Variants in HPSE2 observed in about 807,000 individuals in gnomAD.
HPSE2 encodes inactive heparanase-2.
In HPSE2, 38 loss-of-function variants were observed where a neutral mutation model predicts 60.5. The ratio of observed to expected loss-of-function variants is 0.63; its 90% CI spans 0.48 to 0.82. HPSE2 has a LOEUF of 0.82. Among genes scored for constraint, HPSE2 ranks in the 40% least tolerant of loss-of-function variants. HPSE2 has a pLI of 0.00. For missense variants in HPSE2, 713 were observed against 740.4 expected, an observed-to-expected ratio of 0.96 and a Z score of 0.43; for synonymous variants, 295 against 293.2, an observed-to-expected ratio of 1.01 and a Z score of -0.06.
At chr10:98,846,297 T>C (rs1952033047) in intron 3 of HPSE2, among the ~76,000 whole-genome samples, 1 of 152,228 alleles carries the variant, frequency 6.6e-6, no homozygotes, top group Admixed American at 6.5e-5. Context: ...TTCAGATCTA[T>C]TTATATGAAA....
intron 2 of HPSE2, among the ~76,000 whole-genome samples, chr10:99,181,530 A>G (rs906616432): frequency 6.6e-5 from 10 of 152,224 alleles, no homozygotes; most frequent in Non-Finnish European, 1.0e-4. Context: ...GCACATATAC[A>G]GCATGGAATA....
At chr10:98,919,411 G>C (rs1412624582) in intron 3 of HPSE2, among the ~76,000 whole-genome samples, 1 of 152,110 alleles carries the variant, frequency 6.6e-6, no homozygotes, top group Non-Finnish European at 1.5e-5. Flanking sequence ...GCCATTGAAG[G>C]CCTCCAAAAA....
chr10:98,622,225 C>A (rs752300392), intron 7 of HPSE2, among the ~76,000 whole-genome samples: 11 of 151,938 alleles, frequency 7.2e-5, no homozygotes, highest in Non-Finnish European at 1.2e-4. Context: ...AAAAAAAACA[C>A]ACTGAGTGAG....
At chr10:99,030,883 A>G (rs1957483570) in intron 3 of HPSE2, among the ~76,000 whole-genome samples, 1 of 152,224 alleles carries the variant, frequency 6.6e-6, no homozygotes, top group South Asian at 2.1e-4. Context: ...ACAGGCACAG[A>G]AGACAAACAT....
At chr10:98,738,188 A>G (rs1462495956) in intron 4 of HPSE2, among the ~76,000 whole-genome samples, 1 of 152,180 alleles carries the variant, frequency 6.6e-6, no homozygotes, top group Non-Finnish European at 1.5e-5. Context: ...CACATTTACA[A>G]CCATCTGTTC....
chr10:99,073,163 G>C (rs546052059), intron 3 of HPSE2, among the ~76,000 whole-genome samples: 1 of 152,176 alleles, frequency 6.6e-6, no homozygotes, highest in Admixed American at 6.5e-5. Flanking sequence ...CTATTACAAA[G>C]ATGAAGGCAC....
intron 3 of HPSE2, among the ~76,000 whole-genome samples, chr10:98,758,950 G>T (rs1362027691): frequency 6.6e-6 from 1 of 152,140 alleles, no homozygotes; most frequent in Non-Finnish European, 1.5e-5. Flanking sequence ...GCCCATCAAT[G>T]GTGGACTGGA....
chr10:98,852,298 G>A (rs1203245319), intron 3 of HPSE2, among the ~76,000 whole-genome samples: 3 of 151,952 alleles, frequency 2.0e-5, no homozygotes, highest in Admixed American at 6.6e-5. Context: ...CCTTTCACCT[G>A]CTACCTTTTC....
chr10:98,725,681 C>A (rs2134265478), intron 4 of HPSE2, among the ~76,000 whole-genome samples: 1 of 152,216 alleles, frequency 6.6e-6, no homozygotes, highest in Admixed American at 6.5e-5. Flanking sequence ...GCAACAGAAA[C>A]CACCATCAGA....
chr10:98,517,206 G>T (rs1241360108), intron 9 of HPSE2, among the ~76,000 whole-genome samples: 4 of 148,734 alleles, frequency 2.7e-5, no homozygotes, highest in African/African-American at 9.8e-5. Flanking sequence ...GGGTGGGGGG[G>T]GCGAGGCGAG....
chr10:98,768,028 G>A (rs1424511127), intron 3 of HPSE2, among the ~76,000 whole-genome samples: 1 of 151,416 alleles, frequency 6.6e-6, no homozygotes, highest in East Asian at 1.9e-4. Context: ...AAAGGGAAAT[G>A]TAAATTAAAA....
chr10:98,469,485 C>T (rs1307336425), intron 11 of HPSE2, among the ~76,000 whole-genome samples: 4 of 152,192 alleles, frequency 2.6e-5, no homozygotes, highest in Admixed American at 2.6e-4. Flanking sequence ...ATAGTTCCAT[C>T]GTTCTTTTCA....
chr10:98,516,166 G>A (rs945471934), intron 9 of HPSE2, among the ~76,000 whole-genome samples: 14 of 152,052 alleles, frequency 9.2e-5, no homozygotes, highest in African/African-American at 1.2e-4. Flanking sequence ...AGATGTGCTC[G>A]GCCCTTCACA....
At chr10:98,656,112 A>T (rs1213276317) in intron 6 of HPSE2, among the ~76,000 whole-genome samples, 2 of 149,526 alleles carry the variant, frequency 1.3e-5, no homozygotes, top group Non-Finnish European at 3.0e-5. Flanking sequence ...ATTGAGACAG[A>T]GTCTTGCTCT....
At chr10:99,170,150 T>C (rs1292364130) in intron 2 of HPSE2, among the ~76,000 whole-genome samples, 2 of 152,020 alleles carry the variant, frequency 1.3e-5, no homozygotes, top group Non-Finnish European at 2.9e-5. Flanking sequence ...AGGGATGAAG[T>C]GATTTGCCTG....
chr10:99,245,350 A>G, the HPSE2 span, among the ~76,000 whole-genome samples: 2 of 152,220 alleles, frequency 1.3e-5, no homozygotes, highest in Non-Finnish European at 2.9e-5. Flanking sequence ...ATGACAAAGG[A>G]TACCACATTA....
chr10:99,296,564 C>T, the HPSE2 span, among the ~76,000 whole-genome samples: 1 of 151,248 alleles, frequency 6.6e-6, no homozygotes, highest in African/African-American at 2.5e-5. Context: ...GGAGCAGTCA[C>T]AGAGCTGTAA....
At chr10:98,881,341 G>T (rs867596154) in intron 3 of HPSE2, among the ~76,000 whole-genome samples, 17 of 152,168 alleles carry the variant, frequency 1.1e-4, no homozygotes, top group African/African-American at 4.1e-4. Context: ...TCAATGACAT[G>T]GATGAAGGTA....
chr10:98,528,576 C>A (rs936129472), intron 9 of HPSE2, among the ~76,000 whole-genome samples: 2 of 151,986 alleles, frequency 1.3e-5, no homozygotes, highest in South Asian at 4.2e-4. Flanking sequence ...CCAGGAGAGC[C>A]GGAGGAGAAC....
Sources: allele counts gnomAD v4.1 joint callset (sites outside exome capture counted in the v4.1 genomes callset), GRCh38; gene constraint gnomAD v4.1.1; transcripts MANE v1.5; gene names NCBI Gene and HGNC (gene_info 2026-07-23, HGNC 2026-07-21).